Variants in SLC24A2 observed in about 807,000 individuals in gnomAD.
The protein encoded by SLC24A2 is solute carrier family 24 member 2, also known as sodium/potassium/calcium exchanger 2.
SLC24A2 carries 36 observed loss-of-function variants against 62.0 expected under a neutral mutation model. The observed-to-expected ratio is 0.58, with a 90% CI of 0.44 to 0.77. The LOEUF (loss-of-function observed/expected upper bound fraction) is 0.77. Ranked by LOEUF, SLC24A2 falls within the 30% of genes least tolerant of loss-of-function variation. The probability of loss-of-function intolerance (pLI) is 0.00; values close to 1 mark genes in which losing one functional copy is unlikely to be tolerated. For synonymous variants in SLC24A2, 358 were observed against 294.0 expected (o/e 1.22, Z -2.23); for missense variants, 846 against 817.9 (o/e 1.03, Z -0.42).
chr9:19,987,995 T>C, the SLC24A2 span, among the ~76,000 whole-genome samples: 8 of 152,326 alleles, frequency 5.3e-5, no homozygotes, highest in Non-Finnish European at 1.0e-4. Flanking sequence ...TTTGTAAAAG[T>C]ATGCTAAAGG....
chr9:19,946,152 G>A, the SLC24A2 span, among the ~76,000 whole-genome samples: 1 of 152,182 alleles, frequency 6.6e-6, no homozygotes, highest in East Asian at 1.9e-4. Flanking sequence ...ATGAGCAAAG[G>A]CGGCCATCCC....
At chr9:19,567,642 T>C (rs1025579399) in intron 7 of SLC24A2, among the ~76,000 whole-genome samples, 5 of 149,128 alleles carry the variant, frequency 3.4e-5, no homozygotes, top group Admixed American at 2.0e-4. Flanking sequence ...GATTAATTTA[T>C]ATACCATAAA....
At chr9:19,628,628 A>T (rs1168270033) in intron 2 of SLC24A2, among the ~76,000 whole-genome samples, 1 of 152,218 alleles carries the variant, frequency 6.6e-6, no homozygotes, top group African/African-American at 2.4e-5. Flanking sequence ...TTCTGGTATT[A>T]GTCACACGAA....
the SLC24A2 span, among the ~76,000 whole-genome samples, chr9:20,249,579 C>T: frequency 3.9e-4 from 60 of 151,996 alleles, 1 homozygote; most frequent in South Asian, 2.7e-3. Context: ...GTGGCGGGCT[C>T]CTGTAGTCCC....
upstream of SLC24A2, among the ~76,000 whole-genome samples, chr9:19,792,536 C>CAAAAAAA (rs1165695410): frequency 2.4e-3 from 182 of 74,532 alleles, no homozygotes; most frequent in African/African-American, 7.0e-3. Flanking sequence ...ACTAAAAATA[C>CAAAAAAA]AAAAAAAAAA....
intron 7 of SLC24A2, among the ~76,000 whole-genome samples, chr9:19,559,018 A>G (rs1039066485): frequency 6.6e-6 from 1 of 152,246 alleles, no homozygotes; most frequent in African/African-American, 2.4e-5. Flanking sequence ...GTCAAGCCCA[A>G]GGCTGTCTTA....
At chr9:20,052,580 G>A in the SLC24A2 span, among the ~76,000 whole-genome samples, 7 of 152,166 alleles carry the variant, frequency 4.6e-5, no homozygotes, top group African/African-American at 1.7e-4. Flanking sequence ...TTTTCAGATA[G>A]AGCCTCATTC....
At chr9:19,738,642 T>G (rs964299816) in intron 2 of SLC24A2, among the ~76,000 whole-genome samples, 1 of 152,214 alleles carries the variant, frequency 6.6e-6, no homozygotes, top group Non-Finnish European at 1.5e-5. Context: ...CTAAATTCTA[T>G]AGAATTTCAT....
chr9:19,878,863 T>A, the SLC24A2 span, among the ~76,000 whole-genome samples: 1 of 152,078 alleles, frequency 6.6e-6, no homozygotes, highest in Non-Finnish European at 1.5e-5. Flanking sequence ...GAAACTAATA[T>A]AATCTCCTTC....
At chr9:20,171,493 A>G in the SLC24A2 span, among the ~76,000 whole-genome samples, 1 of 152,064 alleles carries the variant, frequency 6.6e-6, no homozygotes, top group Non-Finnish European at 1.5e-5. Flanking sequence ...ATAAGGACTC[A>G]CATAAACTTA....
In SLC24A2 at chr9:19,513,713, T is replaced by G. The variant is rs1832821332; in HGVS notation, c.*2440A>C. Reference sequence around the variant, plus strand: ...CAACTTCTGTTTTACATGGTCTGTTTGCAGTTGAGTCAGTCACCTATTTAA... The same window carrying G: ...CAACTTCTGTTTTACATGGTCTGTTGGCAGTTGAGTCAGTCACCTATTTAA... On this transcript the variant is annotated 3_prime_UTR_variant, in exon 11 of 11. Transcript: ENST00000341998. 1 of 152,200 alleles carries G rather than the reference T, an allele frequency of 6.6e-6. No homozygotes were observed. Among genetic ancestry groups the G allele is most frequent in the African/African-American group, 2.4e-5 (1 of 41,452 alleles). The allele number at this position is 152,200 out of a possible 1,614,324, so 9.4% of individuals were successfully genotyped here. A position where few individuals can be genotyped will look rare whatever the true frequency, so the allele number is the denominator to read the frequency against.
the SLC24A2 span, among the ~76,000 whole-genome samples, chr9:20,137,504 T>C: frequency 6.6e-6 from 1 of 152,180 alleles, no homozygotes; most frequent in Non-Finnish European, 1.5e-5. Flanking sequence ...AATGTTAAGA[T>C]AGTCTTGGAA....
the SLC24A2 span, among the ~76,000 whole-genome samples, chr9:20,247,794 A>G: frequency 1.1e-4 from 17 of 152,362 alleles, no homozygotes; most frequent in Middle Eastern, 6.8e-3. Context: ...GCCACATAGC[A>G]TAACAGTTTA....
At chr9:20,158,468 G>C in the SLC24A2 span, among the ~76,000 whole-genome samples, 1 of 151,526 alleles carries the variant, frequency 6.6e-6, no homozygotes, top group East Asian at 2.0e-4. Context: ...TGCCATTTGA[G>C]GACACATAGA....
At chr9:19,819,008 C>T in the SLC24A2 span, among the ~76,000 whole-genome samples, 2 of 146,202 alleles carry the variant, frequency 1.4e-5, no homozygotes, top group Non-Finnish European at 3.0e-5. Context: ...GCACATAGAC[C>T]AGTGGAATAG....
At chr9:20,036,364 T>C in the SLC24A2 span, among the ~76,000 whole-genome samples, 1 of 152,176 alleles carries the variant, frequency 6.6e-6, no homozygotes, top group Non-Finnish European at 1.5e-5. Context: ...TTAGCAATAT[T>C]GAAATGTACA....
At chr9:20,207,805 G>A in the SLC24A2 span, among the ~76,000 whole-genome samples, 1 of 151,906 alleles carries the variant, frequency 6.6e-6, no homozygotes, top group Non-Finnish European at 1.5e-5. Flanking sequence ...AAATATTTAT[G>A]TCAGTGAGCT....
the SLC24A2 span, among the ~76,000 whole-genome samples, chr9:20,070,815 G>A: frequency 6.6e-6 from 1 of 152,206 alleles, no homozygotes; most frequent in Non-Finnish European, 1.5e-5. Context: ...AAGGTAGAGA[G>A]AATACTCCCA....
At chr9:20,269,808 G>T in the SLC24A2 span, among the ~76,000 whole-genome samples, 1 of 151,904 alleles carries the variant, frequency 6.6e-6, no homozygotes, top group African/African-American at 2.4e-5. Context: ...CTTCTTCTTG[G>T]CATTGACCCA....
Sources: allele counts gnomAD v4.1 joint callset (sites outside exome capture counted in the v4.1 genomes callset), GRCh38; gene constraint gnomAD v4.1.1; transcripts MANE v1.5; gene names NCBI Gene and HGNC (gene_info 2026-07-23, HGNC 2026-07-21).